The following TCF7 variants were observed in gnomAD, a reference collection of about 807,000 sequenced individuals.
TCF7 encodes the protein T-cell-factor-7.
Under a neutral mutation model 46.8 loss-of-function variants are expected in TCF7, and 19 were observed. The ratio of observed to expected loss-of-function variants is 0.41; its 90% CI spans 0.28 to 0.60. TCF7 has a LOEUF of 0.60. Ranked by LOEUF, TCF7 falls within the 20% of genes least tolerant of loss-of-function variation. The probability of loss-of-function intolerance (pLI) is 0.35; values close to 1 mark genes in which losing one functional copy is unlikely to be tolerated. For missense variants in TCF7, 547 were observed against 504.6 expected, an observed-to-expected ratio of 1.08 and a Z score of -0.81; for synonymous variants, 245 against 213.4, an observed-to-expected ratio of 1.15 and a Z score of -1.29.
In TCF7 at chr5:134,116,043, C is replaced by A. The variant is rs1434535703; in HGVS notation, c.441+10C>A. ...GCCGCAGCCCCCGCTGGTAAGTGGA[C>A]CCCGCAGCCAGTGCCGCCCTGTGCT... On this transcript the variant is annotated intron_variant, in intron 3 of 9. Coordinates refer to ENST00000342854, the MANE Select transcript of TCF7 (RefSeq NM_003202.5). 6.2e-7 allele frequency: 1 copy of A among 1,608,910 alleles called. No individual in the cohort carries two copies. Among genetic ancestry groups the A allele is most frequent in the East Asian group, 2.2e-5 (1 of 44,868 alleles).
chr5:134,115,426 C>G, intron 2 of TCF7, 39 bp downstream of exon 2: 1 of 1,567,830 alleles, frequency 6.4e-7, no homozygotes. Context: ...TCGTCGCGCT[C>G]AGGCCCTGGC....
intron 5 of TCF7, 156 bp from the exon 6 acceptor site, chr5:134,142,029 T>C (rs1394280812): frequency 9.9e-7 from 1 of 1,014,932 alleles, no homozygotes; most frequent in Non-Finnish European, 1.4e-6. Flanking sequence ...CAGGTATTTG[T>C]ATTTATCTCT....
intron 3 of TCF7, among the ~76,000 whole-genome samples, chr5:134,133,580 G>A (rs1213859527): frequency 6.6e-6 from 1 of 152,162 alleles, no homozygotes; most frequent in Admixed American, 6.5e-5. Context: ...CAGGCCCTGT[G>A]CTAGACGGTT....
Position 134,114,752 on chromosome 5 carries a change from G to C in TCF7, c.-155G>C. 2 of 755,300 alleles carry C rather than the reference G, an allele frequency of 2.6e-6. No homozygotes were observed. Among genetic ancestry groups the C allele is most frequent in the Non-Finnish European group, 3.2e-6 (2 of 623,476 alleles). The allele number at this position is 755,300 out of a possible 1,614,324, so 46.8% of individuals were successfully genotyped here. On this transcript the variant is annotated 5_prime_UTR_variant, in exon 1 of 10. Coordinates refer to ENST00000342854, the MANE Select transcript of TCF7 (RefSeq NM_003202.5). ...GCCGCTCTGCCCCGCGCCCTAGCCC[G>C]CGCCTGCAGCCCGCCCAGGCGGAGT...
intron 8 of TCF7, 165 bp from the exon 9 acceptor site, chr5:134,143,427 C>A: frequency 1.1e-6 from 1 of 871,166 alleles, no homozygotes; most frequent in Non-Finnish European, 2.0e-6. Flanking sequence ...TCTAAATGCA[C>A]TCCATAGCAG....
At chr5:134,142,957 C>T (rs757767785) in intron 7 of TCF7, 36 bp from the exon 8 acceptor site, 2 of 1,612,928 alleles carry the variant, frequency 1.2e-6, no homozygotes, top group Non-Finnish European at 1.7e-6. Flanking sequence ...TGCTGACTCC[C>T]TGATGCACCC....
At chr5:134,137,437 A>AC (rs1198365761) in intron 3 of TCF7, among the ~76,000 whole-genome samples, 1 of 151,234 alleles carries the variant, frequency 6.6e-6, no homozygotes, top group Non-Finnish European at 1.5e-5. Flanking sequence ...AAAAAAAAAA[A>AC]AAAAAAAAAA....
chr5:134,116,457 A>AAAGCTGATCT (rs1188506536), intron 3 of TCF7, among the ~76,000 whole-genome samples: 5 of 152,260 alleles, frequency 3.3e-5, no homozygotes, highest in African/African-American at 1.2e-4. Context: ...AATGGGCAGG[A>AAAGCTGATCT]AAGCTGATCT....
At position 134,128,867 on chromosome 5, in the gene TCF7, T is replaced by C. The variant is rs558367203; in HGVS notation, c.442-9192T>C. On this transcript the variant is annotated intron_variant, in intron 3 of 9. Coordinates refer to ENST00000342854, the MANE Select transcript of TCF7 (RefSeq NM_003202.5). Reference sequence around the variant, plus strand: ...GGGAAGGATGACCTCTTGCTTTTCTTTTGGTCATTTATGACTGAGAATCAA... The same window carrying C: ...GGGAAGGATGACCTCTTGCTTTTCTCTTGGTCATTTATGACTGAGAATCAA... Among the ~76,000 whole-genome samples the C allele has an allele frequency of 7.2e-5, 11 of 152,290 alleles. No individual in the cohort carries two copies. In the South Asian group the frequency reaches 2.3e-3, roughly 32 times the overall value.
At chr5:134,144,580 G>A (rs752838412) in intron 9 of TCF7, 19 of 561,762 alleles carry the variant, frequency 3.4e-5, no homozygotes, top group Middle Eastern at 4.8e-4. Flanking sequence ...CCTCTACTGC[G>A]TACCTGGGTG....
chr5:134,138,838 T>C, intron 4 of TCF7, 113 bp from the exon 5 acceptor site: 5 of 1,489,318 alleles, frequency 3.4e-6, no homozygotes, highest in Non-Finnish European at 4.5e-6. Flanking sequence ...TCTGGTCCTC[T>C]AGCAAAGCTG....
At position 134,116,009 on chromosome 5, in the gene TCF7, GCACCCC is replaced by G; in HGVS notation, c.420_425del (p.His140_Pro141del). ...ACCCACCCCCCTCGGGAGCAGGGCA[GCACCCC>G]CAGCCGCAGCCCCCGCTGGTAAGTG... On this transcript the variant is annotated inframe_deletion, in exon 3 of 10. Coordinates refer to ENST00000342854, the MANE Select transcript of TCF7 (RefSeq NM_003202.5). 6.2e-7 allele frequency: 1 copy of G among 1,613,094 alleles called. No individual in the cohort carries two copies. The highest frequency in any genetic ancestry group is 8.5e-7 in the Non-Finnish European group (1 of 1,179,842).
intron 3 of TCF7, among the ~76,000 whole-genome samples, chr5:134,122,329 G>A (rs1756708395): frequency 6.6e-6 from 1 of 152,046 alleles, no homozygotes; most frequent in African/African-American, 2.4e-5. Flanking sequence ...AAGGCCCAGG[G>A]CTGGCAAAGA....
chr5:134,115,182 C>T (rs1056966756), intron 1 of TCF7, 27 bp downstream of exon 1: 2 of 1,065,994 alleles, frequency 1.9e-6, no homozygotes, highest in African/African-American at 3.4e-5. Context: ...GCCGGCTCCT[C>T]CCCCGCGGTC....
Position 134,115,000 on chromosome 5 carries a change from G to T in TCF7, c.94G>T (p.Glu32Ter). The T allele has an allele frequency of 8.0e-7, 1 of 1,250,044 alleles. No individual in the cohort carries two copies. Among genetic ancestry groups the T allele is most frequent in the South Asian group, 1.5e-5 (1 of 66,160 alleles). The allele number at this position is 1,250,044 out of a possible 1,614,324, so 77.4% of individuals were successfully genotyped here. A position where few individuals can be genotyped will look rare whatever the true frequency, so the allele number is the denominator to read the frequency against. The part of the protein sequence containing the change: ...ELLAFQDEGE[E>*]QDDKSRDSAA... ...GCTGGCCTTCCAGGATGAAGGCGAG[G>T]AGCAGGACGACAAGAGCCGCGACAG... The change falls in exon 1 of 10, where the codon GAG becomes TAG. Residue 32 changes from glutamate (E) to a stop codon, truncating the protein, a stop_gained. Transcript: ENST00000342854. LOFTEE classifies it high-confidence loss of function.
intron 3 of TCF7, among the ~76,000 whole-genome samples, chr5:134,133,941 C>T (rs1758502119): frequency 1.3e-5 from 2 of 152,194 alleles, no homozygotes; most frequent in Admixed American, 6.5e-5. Flanking sequence ...TTGGAGGTTT[C>T]CTAGGCCCAG....
Position 134,119,449 on chromosome 5 carries a change from ACTGAATTACATAAC to A in TCF7, c.441+3419_441+3432del, listed in dbSNP as rs552331696. Among the ~76,000 whole-genome samples the A allele has an allele frequency of 8.6e-3, 1,314 of 152,302 alleles. 9 individuals are homozygous for A. The highest frequency in any genetic ancestry group is 0.017 in the Middle Eastern group (5 of 294). On this transcript the variant is annotated intron_variant, in intron 3 of 9. Transcript: ENST00000342854. ...CAATCTTATGAATATACTAAAAGCCACTGAATTACATAACCTTTAAAACAGTGTATTTTATGATA... is the reference window on the plus strand; with the variant it reads ...CAATCTTATGAATATACTAAAAGCCACTTTAAAACAGTGTATTTTATGATA...
chr5:134,134,765 G>A (rs1437117061), intron 3 of TCF7, among the ~76,000 whole-genome samples: 1 of 152,182 alleles, frequency 6.6e-6, no homozygotes, highest in Non-Finnish European at 1.5e-5. Flanking sequence ...AAAGGTCAGT[G>A]AAAAGGTCAG....
rs1759107822 is a variant in TCF7 at position 134,137,770 on chromosome 5, G to A, written c.442-289G>A. On this transcript the variant is annotated intron_variant, in intron 3 of 9. Transcript: ENST00000342854. ...GCAACCTCCCAGACAAGCCAAACCT[G>A]AGATGAGGAGGCCAATAAGGGTTTT... The A allele has an allele frequency of 7.0e-6, 2 of 284,988 alleles. 1 individual carries two copies. The highest frequency in any genetic ancestry group is 1.0e-4 in the Admixed American group (2 of 19,146). The allele number at this position is 284,988 out of a possible 1,614,324, so 17.7% of individuals were successfully genotyped here.
Sources: allele counts gnomAD v4.1 joint callset (sites outside exome capture counted in the v4.1 genomes callset), GRCh38; gene constraint gnomAD v4.1.1; transcripts MANE v1.5; gene names NCBI Gene and HGNC (gene_info 2026-07-23, HGNC 2026-07-21).